The following PARD3 variants were observed in gnomAD, a reference collection of about 807,000 sequenced individuals.
The protein encoded by PARD3 is partitioning defective 3 homolog.
PARD3 carries 75 observed loss-of-function variants against 155.4 expected under a neutral mutation model. That is an observed-to-expected ratio of 0.48 (90% confidence interval 0.40 to 0.58). The LOEUF is 0.58. Among genes scored for constraint, PARD3 ranks in the 20% least tolerant of loss-of-function variants. PARD3 has a pLI of 0.00. For synonymous variants in PARD3, 576 were observed against 610.5 expected (o/e 0.94, Z 0.83); for missense variants, 1,642 against 1,721.7 (o/e 0.95, Z 0.82).
At position 34,685,062 on chromosome 10, in the gene PARD3, T is replaced by C. The variant is rs149625706; in HGVS notation, c.222+11256A>G. On this transcript the variant is annotated intron_variant, in intron 2 of 24. Transcript: ENST00000374788. ...CACGCACTCTGGTTTGAAAAACTTA[T>C]TAACCTTTGAGAGGGAGAGGGAGGC... Among the ~76,000 whole-genome samples the C allele has an allele frequency of 9.7e-3, 1,479 of 152,246 alleles. 26 individuals carry two copies. The highest frequency in any genetic ancestry group is 0.033 in the African/African-American group (1,359 of 41,546).
chr10:34,531,537 G>A (rs949440684), intron 2 of PARD3, among the ~76,000 whole-genome samples: 2 of 152,114 alleles, frequency 1.3e-5, no homozygotes, highest in African/African-American at 2.4e-5. Flanking sequence ...CATAAAAGCC[G>A]CATTTTCAAT....
At chr10:34,549,106 A>G (rs1425386374) in intron 2 of PARD3, among the ~76,000 whole-genome samples, 3 of 152,192 alleles carry the variant, frequency 2.0e-5, no homozygotes, top group African/African-American at 7.2e-5. Context: ...TCTTGATCCA[A>G]TATGTTTCTT....
intron 2 of PARD3, among the ~76,000 whole-genome samples, chr10:34,624,433 C>T (rs374373223): frequency 3.9e-5 from 6 of 152,220 alleles, no homozygotes; most frequent in East Asian, 3.8e-4. Flanking sequence ...GATTTCTGCT[C>T]AAAGCCACAG....
At chr10:34,774,762 A>G (rs931702355) in intron 1 of PARD3, among the ~76,000 whole-genome samples, 17 of 152,336 alleles carry the variant, frequency 1.1e-4, no homozygotes, top group African/African-American at 3.6e-4. Flanking sequence ...CTGCATGCAC[A>G]TATGTCATTG....
At chr10:34,436,353 C>G (rs2076187000) in intron 5 of PARD3, among the ~76,000 whole-genome samples, 1 of 152,190 alleles carries the variant, frequency 6.6e-6, no homozygotes, top group Admixed American at 6.5e-5. Flanking sequence ...CCAACTCCAT[C>G]AACAGCCTTC....
Position 34,408,458 on chromosome 10 carries a change from T to C in PARD3, c.715-6541A>G, listed in dbSNP as rs567026094. On this transcript the variant is annotated intron_variant, in intron 5 of 24. Transcript: ENST00000374788. ...ATCCTAGAGAAAATATTTATTAGGATGTTGACAGAGTGAATTAAAGCACTT... is the reference window on the plus strand; with the variant it reads ...ATCCTAGAGAAAATATTTATTAGGACGTTGACAGAGTGAATTAAAGCACTT... 2.0e-5 allele frequency among the ~76,000 whole-genome samples: 3 copies of C among 152,332 alleles called. No homozygotes were observed. The South Asian group carries it at 6.2e-4, about 32-fold the overall frequency.
chr10:34,644,734 A>G (rs1351508491), intron 2 of PARD3, among the ~76,000 whole-genome samples: 1 of 152,180 alleles, frequency 6.6e-6, no homozygotes, highest in Non-Finnish European at 1.5e-5. Flanking sequence ...ACCTTAATTT[A>G]GCACACACAG....
chr10:34,453,416 A>C (rs1222897366), intron 4 of PARD3, among the ~76,000 whole-genome samples: 2 of 152,244 alleles, frequency 1.3e-5, no homozygotes, highest in Non-Finnish European at 2.9e-5. Flanking sequence ...AAGCCTGGGC[A>C]GATCATCATT....
chr10:34,295,767 T>C (rs1589088488), intron 20 of PARD3, among the ~76,000 whole-genome samples: 1 of 152,226 alleles, frequency 6.6e-6, no homozygotes, highest in Non-Finnish European at 1.5e-5. Context: ...AGAAATAACC[T>C]ATATATCTTT....
At chr10:34,373,586 G>A (rs1347856775) in intron 11 of PARD3, among the ~76,000 whole-genome samples, 1 of 151,632 alleles carries the variant, frequency 6.6e-6, no homozygotes, top group Non-Finnish European at 1.5e-5. Context: ...TTTAGGATCA[G>A]GTGGCATTTT....
chr10:34,198,933 C>T (rs1464994090), intron 22 of PARD3, among the ~76,000 whole-genome samples: 2 of 152,098 alleles, frequency 1.3e-5, no homozygotes, highest in African/African-American at 4.8e-5. Context: ...TTTTATGCAA[C>T]CAAGCTGTGA....
At chr10:34,210,434 C>A (rs1448732697) in intron 22 of PARD3, among the ~76,000 whole-genome samples, 1 of 152,076 alleles carries the variant, frequency 6.6e-6, no homozygotes. Flanking sequence ...GGCAGAGTGG[C>A]GATGGGGAGT....
chr10:34,299,941 G>C (rs952519488), intron 20 of PARD3, among the ~76,000 whole-genome samples: 2 of 152,162 alleles, frequency 1.3e-5, no homozygotes, highest in African/African-American at 2.4e-5. Context: ...TTGTGTCACA[G>C]TAGGAAAAAC....
At chr10:34,743,547 C>T (rs774318884) in intron 1 of PARD3, among the ~76,000 whole-genome samples, 32 of 152,106 alleles carry the variant, frequency 2.1e-4, no homozygotes, top group Non-Finnish European at 3.8e-4. Context: ...ATTTCAGGTC[C>T]GAAAATCCCA....
At chr10:34,724,581 A>C (rs150869268) in intron 1 of PARD3, among the ~76,000 whole-genome samples, 2 of 152,378 alleles carry the variant, frequency 1.3e-5, no homozygotes, top group Non-Finnish European at 2.9e-5. Context: ...AGCACATAGA[A>C]CTAAAGGAAA....
intron 3 of PARD3, among the ~76,000 whole-genome samples, chr10:34,475,537 T>C (rs1225052605): frequency 6.6e-6 from 1 of 152,232 alleles, no homozygotes; most frequent in Admixed American, 6.5e-5. Flanking sequence ...TTTTCTTTCT[T>C]TGTTACATTA....
chr10:34,324,104 A>G (rs540165385), intron 19 of PARD3, among the ~76,000 whole-genome samples: 6 of 152,248 alleles, frequency 3.9e-5, no homozygotes, highest in Admixed American at 6.5e-5. Flanking sequence ...TCAAAGAAAG[A>G]GATTTCAGGC....
At chr10:34,413,475 G>A in intron 5 of PARD3, among the ~76,000 whole-genome samples, 1 of 145,580 alleles carries the variant, frequency 6.9e-6, no homozygotes, top group Admixed American at 6.9e-5. Context: ...ACTTATTTGA[G>A]AAACCTTTTG....
At chr10:34,771,259 GA>G (rs1838822316) in intron 1 of PARD3, among the ~76,000 whole-genome samples, 1 of 152,204 alleles carries the variant, frequency 6.6e-6, no homozygotes, top group Admixed American at 6.5e-5. Flanking sequence ...ACATCAGGAA[GA>G]AAGACGGTGC....
Sources: allele counts gnomAD v4.1 joint callset (sites outside exome capture counted in the v4.1 genomes callset), GRCh38; gene constraint gnomAD v4.1.1; transcripts MANE v1.5; gene names NCBI Gene and HGNC (gene_info 2026-07-23, HGNC 2026-07-21).